The following CSRP3 variants were observed in gnomAD, a reference collection of about 807,000 sequenced individuals.
The protein encoded by CSRP3 is cysteine and glycine-rich protein 3.
Under a neutral mutation model 24.3 loss-of-function variants are expected in CSRP3, and 24 were observed. The observed-to-expected ratio is 0.99, with a 90% CI of 0.71 to 1.39. The LOEUF (loss-of-function observed/expected upper bound fraction) is 1.39. Among genes scored for constraint, CSRP3 ranks in the 40% most tolerant of loss-of-function variants. CSRP3 has a pLI of 0.00. For missense variants in CSRP3, 240 were observed against 249.0 expected (o/e 0.96, Z 0.24); for synonymous variants, 105 against 94.0 (o/e 1.12, Z -0.68).
intron 1 of CSRP3, among the ~76,000 whole-genome samples, chr11:19,198,895 T>C (rs1045150063): frequency 6.6e-6 from 1 of 152,226 alleles, no homozygotes; most frequent in African/African-American, 2.4e-5. Context: ...TAATAATAGC[T>C]AAGACACCAT....
At chr11:19,189,405 A>C (rs1233614723) in intron 2 of CSRP3, among the ~76,000 whole-genome samples, 1 of 152,232 alleles carries the variant, frequency 6.6e-6, no homozygotes, top group Non-Finnish European at 1.5e-5. Flanking sequence ...GCTTTGCAAC[A>C]ATGATTCTTA....
chr11:19,190,156 T>C (rs1480528929), intron 2 of CSRP3, among the ~76,000 whole-genome samples: 2 of 152,226 alleles, frequency 1.3e-5, no homozygotes, highest in African/African-American at 4.8e-5. Flanking sequence ...TATACAATAG[T>C]AAGTTGCAGA....
At chr11:19,195,541 A>C (rs1850688025) in intron 1 of CSRP3, among the ~76,000 whole-genome samples, 1 of 152,254 alleles carries the variant, frequency 6.6e-6, no homozygotes, top group Admixed American at 6.5e-5. Flanking sequence ...TGGCAGCGAC[A>C]CTTGTAAAAT....
At chr11:19,188,059 G>A (rs747463420) in intron 3 of CSRP3, 77 bp downstream of exon 3, 424 of 1,567,134 alleles carry the variant, frequency 2.7e-4, no homozygotes, top group East Asian at 1.3e-3. Context: ...TCCAGAAAAC[G>A]TTGCTATGGG....
chr11:19,200,863 T>C (rs1012855963), intron 1 of CSRP3, among the ~76,000 whole-genome samples: 2 of 152,212 alleles, frequency 1.3e-5, no homozygotes, highest in East Asian at 3.8e-4. Context: ...TGTTCACTTA[T>C]ACCCTTCCCT....
At chr11:19,190,314 T>C (rs144426850) in intron 2 of CSRP3, among the ~76,000 whole-genome samples, 3,131 of 152,354 alleles carry the variant, frequency 0.021, 54 homozygotes, top group Non-Finnish European at 0.033. Flanking sequence ...AGGAGAACTG[T>C]GCTGTCCAGT....
rs760292738 is a variant in CSRP3, at chr11:19,186,244, G to C, written c.386C>G (p.Ala129Gly). Residue 129 changes from alanine to glycine, a missense_variant, in exon 4 of 6, where the codon GCT (alanine) becomes GGT (glycine). Ala to Gly is a moderately conservative substitution (Grantham distance 60). Transcript: ENST00000265968. ...GCCACCTCCCATAACCTTCTCAGCA[G>C]CATAGACTGACTTGCCACATCGAGG... The part of the protein sequence containing the change: ...KCPRCGKSVY[A>G]AEKVMGGGKP... 6.2e-7 allele frequency: 1 copy of C among 1,614,202 alleles called. No individual in the cohort carries two copies. The highest frequency in any genetic ancestry group is 2.2e-5 in the East Asian group (1 of 44,884).
chr11:19,192,783 A>G (rs150652023), intron 1 of CSRP3, among the ~76,000 whole-genome samples: 6 of 152,316 alleles, frequency 3.9e-5, no homozygotes, highest in African/African-American at 1.4e-4. Context: ...CATGTACATA[A>G]AAGTATATAC....
At chr11:19,183,174 A>AT (rs61341252) in intron 5 of CSRP3, among the ~76,000 whole-genome samples, 5,100 of 151,844 alleles carry the variant, frequency 0.034, 287 homozygotes, top group African/African-American at 0.12. Flanking sequence ...AAAAATAATA[A>AT]AAAGGTTTAT....
intron 1 of CSRP3, among the ~76,000 whole-genome samples, chr11:19,199,866 T>G (rs1850806868): frequency 6.6e-6 from 1 of 152,254 alleles, no homozygotes; most frequent in Non-Finnish European, 1.5e-5. Flanking sequence ...CACATTTCTC[T>G]TTGTGCATGA....
At chr11:19,197,501 C>CTCCT (rs1850748044) in intron 1 of CSRP3, among the ~76,000 whole-genome samples, 2 of 67,068 alleles carry the variant, frequency 3.0e-5, no homozygotes, top group African/African-American at 5.5e-5. Flanking sequence ...CCCTCTTTTC[C>CTCCT]TCTTTCTTTC....
intron 3 of CSRP3, 40 bp downstream of exon 3, chr11:19,188,096 G>A (rs1850555648): frequency 2.5e-6 from 4 of 1,611,730 alleles, no homozygotes; most frequent in South Asian, 1.1e-5. Context: ...CTGATAATTG[G>A]AGACTTTAAC....
intron 5 of CSRP3, 27 bp from the exon 6 acceptor site, chr11:19,182,773 G>A (rs769573413): frequency 1.3e-6 from 2 of 1,548,862 alleles, no homozygotes; most frequent in African/African-American, 1.4e-5. Flanking sequence ...GATGAAGGGA[G>A]AGACAATGCA....
chr11:19,193,449 G>A (rs2133517736), intron 1 of CSRP3, among the ~76,000 whole-genome samples: 1 of 152,234 alleles, frequency 6.6e-6, no homozygotes, highest in African/African-American at 2.4e-5. Flanking sequence ...ACAGCCCCAG[G>A]ACTGTCATTG....
At position 19,197,390 on chromosome 11, in the gene CSRP3, CT is replaced by C. The variant is rs1565055308; in HGVS notation, c.-29+4563del. Among the ~76,000 whole-genome samples the C allele has an allele frequency of 3.0e-4, 2 of 6,776 alleles. 1 individual carries two copies. The highest frequency in any genetic ancestry group is 3.8e-3 in the Admixed American group (2 of 520). 4.4% of individuals were successfully genotyped at this position (6,776 alleles called of 152,430 possible). ...CCTCCCTCCCTCCCTCCCTCCCTCC[CT>C]TCCTTCCTTCCTTCCTTCCTTCCTT... On this transcript the variant is annotated intron_variant, in intron 1 of 5. Transcript: ENST00000265968.
chr11:19,183,551 G>T (rs983112177), intron 5 of CSRP3, among the ~76,000 whole-genome samples: 1 of 152,076 alleles, frequency 6.6e-6, no homozygotes, highest in Non-Finnish European at 1.5e-5. Flanking sequence ...CCTCTTTTTA[G>T]GTGACTGCAT....
chr11:19,197,501 C>CTCTTTCGTTCTT (rs1491110501), intron 1 of CSRP3, among the ~76,000 whole-genome samples: 19 of 67,126 alleles, frequency 2.8e-4, no homozygotes, highest in African/African-American at 1.0e-3. Flanking sequence ...CCCTCTTTTC[C>CTCTTTCGTTCTT]TCTTTCTTTC....
intron 1 of CSRP3, among the ~76,000 whole-genome samples, chr11:19,197,414 C>T (rs1195117284): frequency 1.2e-5 from 1 of 83,032 alleles, no homozygotes; most frequent in Non-Finnish European, 2.1e-5. Flanking sequence ...TCCTTCCTTC[C>T]TTCCTTCCTT....
At chr11:19,189,507 A>G (rs990257751) in intron 2 of CSRP3, among the ~76,000 whole-genome samples, 4 of 152,214 alleles carry the variant, frequency 2.6e-5, no homozygotes, top group Non-Finnish European at 5.9e-5. Flanking sequence ...TTTGCCTTTT[A>G]AAAAAACATT....
Sources: allele counts gnomAD v4.1 joint callset (sites outside exome capture counted in the v4.1 genomes callset), GRCh38; gene constraint gnomAD v4.1.1; transcripts MANE v1.5; gene names NCBI Gene and HGNC (gene_info 2026-07-23, HGNC 2026-07-21).